The following CYP2C18 variants were observed in gnomAD, a reference collection of about 807,000 sequenced individuals.
CYP2C18 encodes cytochrome P450 family 2 subfamily C member 18, also known as cytochrome P450 2C18.
CYP2C18 carries 38 observed loss-of-function variants against 41.3 expected under a neutral mutation model. The observed-to-expected ratio is 0.92, with a 90% CI of 0.71 to 1.21. The LOEUF is 1.21. Among genes scored for constraint, CYP2C18 ranks in the 50% most tolerant of loss-of-function variants. The probability of loss-of-function intolerance (pLI) is 0.00; values close to 1 mark genes in which losing one functional copy is unlikely to be tolerated. For synonymous variants in CYP2C18, 236 were observed against 210.0 expected (o/e 1.12, Z -1.07); for missense variants, 635 against 591.4 (o/e 1.07, Z -0.77).
At chr10:94,713,624 A>G (rs1847485200) in intron 5 of CYP2C18, among the ~76,000 whole-genome samples, 1 of 152,230 alleles carries the variant, frequency 6.6e-6, no homozygotes, top group African/African-American at 2.4e-5. Flanking sequence ...TATTGTGAAT[A>G]ATGCCACAAT....
intron 3 of CYP2C18, among the ~76,000 whole-genome samples, chr10:94,692,748 A>G (rs1847029411): frequency 2.0e-5 from 3 of 152,180 alleles, no homozygotes; most frequent in South Asian, 4.1e-4. Flanking sequence ...ACTATTCACA[A>G]TAACAAAGAC....
intron 1 of CYP2C18, among the ~76,000 whole-genome samples, chr10:94,684,410 T>C (rs1054840974): frequency 6.6e-6 from 1 of 152,164 alleles, no homozygotes; most frequent in East Asian, 1.9e-4. Flanking sequence ...TCTCTGAGTT[T>C]AACTTTTTAA....
chr10:94,687,113 T>C (rs532083425), intron 1 of CYP2C18, among the ~76,000 whole-genome samples: 5 of 152,212 alleles, frequency 3.3e-5, no homozygotes, highest in Non-Finnish European at 7.3e-5. Context: ...GTCTGTGACC[T>C]ATGAGTGTAT....
At chr10:94,717,655 T>G (rs933025520) in intron 5 of CYP2C18, among the ~76,000 whole-genome samples, 3 of 152,138 alleles carry the variant, frequency 2.0e-5, no homozygotes, top group Non-Finnish European at 2.9e-5. Context: ...GAGATCAGTG[T>G]TCAATTTTAT....
In CYP2C18 at chr10:94,710,999, C is replaced by T. The variant is rs377736975; in HGVS notation, c.819+4039C>T. On this transcript the variant is annotated intron_variant, in intron 5 of 8. Coordinates refer to ENST00000285979, the MANE Select transcript of CYP2C18 (RefSeq NM_000772.3). The stretch of plus-strand genomic sequence containing the variant: ...CATATTTCCCTCATCTTAAACCAGC[C>T]TTAGTTGCCTTGTGAAGTGCTTTGT... Among the ~76,000 whole-genome samples, 139 of 152,260 alleles carry T rather than the reference C, an allele frequency of 9.1e-4. 1 individual carries two copies. The highest frequency in any genetic ancestry group is 3.2e-3 in the African/African-American group (135 of 41,568).
chr10:94,689,978 T>C (rs1466240489), intron 3 of CYP2C18, among the ~76,000 whole-genome samples: 2 of 152,248 alleles, frequency 1.3e-5, no homozygotes, highest in East Asian at 3.9e-4. Context: ...AAAACCCCAA[T>C]GAAGGCTCAG....
intron 4 of CYP2C18, among the ~76,000 whole-genome samples, chr10:94,697,734 C>A (rs1017352929): frequency 2.0e-5 from 3 of 152,112 alleles, no homozygotes; most frequent in African/African-American, 7.2e-5. Context: ...TTCAGGAGAA[C>A]AATCTCATGT....
intron 7 of CYP2C18, among the ~76,000 whole-genome samples, chr10:94,727,267 A>T (rs1333700883): frequency 6.6e-6 from 1 of 152,138 alleles, no homozygotes; most frequent in Non-Finnish European, 1.5e-5. Context: ...ACTTGCGTGG[A>T]GTGAATGTAT....
At chr10:94,712,281 AAAG>A (rs1251381280) in intron 5 of CYP2C18, among the ~76,000 whole-genome samples, 1 of 151,868 alleles carries the variant, frequency 6.6e-6, no homozygotes, top group Non-Finnish European at 1.5e-5. Flanking sequence ...ATTTTTTAAA[AAAG>A]AGATCAGATT....
rs1846917706 is a variant in CYP2C18, at chr10:94,687,809, G to A, written c.208G>A (p.Gly70Ser). 6.2e-7 allele frequency: 1 copy of A among 1,613,474 alleles called. No homozygotes were observed. Among genetic ancestry groups the A allele is most frequent in the Non-Finnish European group, 8.5e-7 (1 of 1,179,674 alleles). ...TGGCCCTGTGTTCACTGTGTATTTT[G>A]GCCTGAAGCCCATTGTGGTGTTGCA... ...VYGPVFTVYF[G>S]LKPIVVLHGY... is the part of the protein sequence containing the mutation. The change falls in exon 2 of 9, where the codon GGC becomes AGC. Residue 70 changes from glycine to serine, a missense_variant. By Grantham distance (56) the Gly-to-Ser change is moderately conservative. Transcript: ENST00000285979.
intron 1 of CYP2C18, 118 bp from the exon 2 acceptor site, chr10:94,687,652 T>C: frequency 3.2e-6 from 3 of 935,086 alleles, no homozygotes; most frequent in Non-Finnish European, 4.9e-6. Context: ...TATTTGAAGC[T>C]GTATTTGACA....
chr10:94,685,501 T>TA (rs55720577), intron 1 of CYP2C18, among the ~76,000 whole-genome samples: 68,061 of 151,976 alleles, frequency 0.45, 16,778 homozygotes, highest in Admixed American at 0.6. Context: ...AGTTTTTCTA[T>TA]ATGGTTTCTT....
intron 3 of CYP2C18, 125 bp downstream of exon 3, chr10:94,688,399 T>C: frequency 8.6e-7 from 1 of 1,160,902 alleles, no homozygotes; most frequent in East Asian, 2.6e-5. Flanking sequence ...ATGCACAGAA[T>C]GTGTAATGAT....
intron 6 of CYP2C18, 56 bp downstream of exon 6, chr10:94,720,593 A>C: frequency 6.6e-7 from 1 of 1,507,950 alleles, no homozygotes; most frequent in Non-Finnish European, 9.1e-7. Flanking sequence ...TTGGGAAGAC[A>C]CTGCTATTGT....
chr10:94,689,358 C>G (rs1846955094), intron 3 of CYP2C18, among the ~76,000 whole-genome samples: 1 of 141,618 alleles, frequency 7.1e-6, no homozygotes, highest in Non-Finnish European at 1.5e-5. Flanking sequence ...TTTTTATTTT[C>G]TATATTTTTA....
chr10:94,732,352 A>G (rs942808749), intron 7 of CYP2C18, among the ~76,000 whole-genome samples: 1 of 152,178 alleles, frequency 6.6e-6, no homozygotes, highest in Non-Finnish European at 1.5e-5. Flanking sequence ...GAGAAAAGGG[A>G]ACACTTATAG....
intron 5 of CYP2C18, among the ~76,000 whole-genome samples, chr10:94,715,325 A>G (rs1252082281): frequency 6.6e-6 from 1 of 152,170 alleles, no homozygotes; most frequent in Non-Finnish European, 1.5e-5. Context: ...TTTGTCATAA[A>G]TAGCTCTTAT....
At position 94,735,534 on chromosome 10, in the gene CYP2C18, A is replaced by G. The variant is rs566420409; in HGVS notation, c.*90A>G. 6 of 1,277,370 alleles carry G rather than the reference A, an allele frequency of 4.7e-6. No homozygotes were observed. The African/African-American group carries it at 7.4e-5, about 16-fold the overall frequency. The allele number at this position is 1,277,370 out of a possible 1,614,324, so 79.1% of individuals were successfully genotyped here. A position where few individuals can be genotyped will look rare whatever the true frequency, so the allele number is the denominator to read the frequency against. ...GGCCTCTCCCTTCTCTCTGTGAGGG[A>G]TATTTTCTCTGACTTGTCAATCCAC... is the stretch of plus-strand genomic sequence containing the variant. On this transcript the variant is annotated 3_prime_UTR_variant, in exon 9 of 9. Coordinates refer to ENST00000285979, the MANE Select transcript of CYP2C18 (RefSeq NM_000772.3).
intron 5 of CYP2C18, 41 bp downstream of exon 5, chr10:94,707,001 AT>A (rs778586981): frequency 1.3e-6 from 2 of 1,559,988 alleles, no homozygotes; most frequent in Non-Finnish European, 1.7e-6. Context: ...TGGTTCATTG[AT>A]TAGTTCTATA....
Sources: allele counts gnomAD v4.1 joint callset (sites outside exome capture counted in the v4.1 genomes callset), GRCh38; gene constraint gnomAD v4.1.1; transcripts MANE v1.5; gene names NCBI Gene and HGNC (gene_info 2026-07-23, HGNC 2026-07-21).